PDXK: variants seen among roughly 807,000 people sequenced by gnomAD.
The protein encoded by PDXK is epididymis secretory sperm binding protein Li 1a.
Under a neutral mutation model 43.2 loss-of-function variants are expected in PDXK, and 15 were observed. The observed-to-expected ratio is 0.35, with a 90% CI of 0.23 to 0.53. The LOEUF (loss-of-function observed/expected upper bound fraction) is 0.53. PDXK is among the 20% of genes least tolerant of loss of function. PDXK has a pLI of 0.92. For missense variants in PDXK, 343 were observed against 417.0 expected (o/e 0.82, Z 1.54); for synonymous variants, 172 against 165.4 (o/e 1.04, Z -0.31).
chr21:43,742,888 G>A (rs1209615050), intron 3 of PDXK, among the ~76,000 whole-genome samples: 2 of 152,074 alleles, frequency 1.3e-5, no homozygotes, highest in Non-Finnish European at 2.9e-5. Context: ...AGATTAAAGT[G>A]TCATATGCTT....
intron 2 of PDXK, among the ~76,000 whole-genome samples, chr21:43,741,197 C>CGAG (rs2083503444): frequency 3.0e-3 from 1 of 334 alleles, no homozygotes; most frequent in Non-Finnish European, 6.4e-3. Context: ...CGGGGGGGCT[C>CGAG]GCGGGGGGGC....
intron 2 of PDXK, among the ~76,000 whole-genome samples, chr21:43,739,155 C>T (rs1185572321): frequency 3.3e-5 from 5 of 152,074 alleles, no homozygotes; most frequent in South Asian, 2.1e-4. Context: ...AGGTTGGTCT[C>T]GATCTCCTGA....
chr21:43,748,973 T>C, intron 5 of PDXK, 22 bp from the exon 6 acceptor site: 2 of 1,499,342 alleles, frequency 1.3e-6, no homozygotes, highest in Non-Finnish European at 1.9e-6. Flanking sequence ...CAGCCTCTCC[T>C]CCTGTCTCCT....
Position 43,741,475 on chromosome 21 carries a change from A to C in PDXK, c.143-192A>C, listed in dbSNP as rs541083718. 142 of 1,224,904 alleles carry C rather than the reference A, an allele frequency of 1.2e-4. 3 individuals are homozygous for C. Among genetic ancestry groups the C allele is most frequent in the Middle Eastern group, 3.0e-4 (1 of 3,280 alleles). 75.9% of individuals were successfully genotyped at this position (1,224,904 alleles called of 1,614,324 possible). A position where few individuals can be genotyped will look rare whatever the true frequency, so the allele number is the denominator to read the frequency against. The stretch of plus-strand genomic sequence containing the variant: ...TCGCGGGGGGCTCGCGGGGGGCTCG[A>C]GGCGTCCCATGTGGGCAGCCGTTGG... On this transcript the variant is annotated intron_variant, in intron 2 of 10. Transcript: ENST00000291565.
intron 1 of PDXK, among the ~76,000 whole-genome samples, chr21:43,726,307 C>G (rs1467286202): frequency 2.3e-5 from 3 of 128,898 alleles, no homozygotes; most frequent in African/African-American, 9.3e-5. Flanking sequence ...GAGTCTCACT[C>G]TGTCACCCAG....
chr21:43,746,007 G>A (rs373568499), intron 4 of PDXK, 72 bp from the exon 5 acceptor site: 1 of 1,217,538 alleles, frequency 8.2e-7, no homozygotes, highest in Admixed American at 1.7e-5. Flanking sequence ...AAAAAAAGAA[G>A]AAAGAAATGT....
intron 8 of PDXK, among the ~76,000 whole-genome samples, chr21:43,753,252 A>G (rs2083786039): frequency 6.6e-6 from 1 of 152,078 alleles, no homozygotes; most frequent in South Asian, 2.1e-4. Flanking sequence ...ACACATGCAT[A>G]CACGTGGGCA....
At chr21:43,728,375 A>G (rs1369550124) in intron 1 of PDXK, among the ~76,000 whole-genome samples, 1 of 152,132 alleles carries the variant, frequency 6.6e-6, no homozygotes, top group African/African-American at 2.4e-5. Flanking sequence ...GTCTCTGCAA[A>G]ATAAGCTAAA....
chr21:43,748,870 GGCCCC>G, intron 5 of PDXK, 120 bp from the exon 6 acceptor site: 3 of 663,832 alleles, frequency 4.5e-6, no homozygotes, highest in Non-Finnish European at 5.4e-6. Context: ...CGGGGGGCCT[GGCCCC>G]TGAGCCTGGA....
At position 43,723,193 on chromosome 21, in the gene PDXK, C is replaced by T. The variant is rs542547870; in HGVS notation, c.87+3812C>T. Among the ~76,000 whole-genome samples the T allele has an allele frequency of 1.4e-5, 2 of 147,032 alleles. No homozygotes were observed. The highest frequency in any genetic ancestry group is 2.0e-4 in the East Asian group (1 of 4,956). On this transcript the variant is annotated intron_variant, in intron 1 of 10. Transcript: ENST00000291565. This position sits in a 1 kb window ranked among gnomAD's most constrained non-coding sequence, Gnocchi z 4.1. ...TTTTGAGACGAGGGTCTCACTCTGT[C>T]GCTCAGGCTGAAGTACAATGGAGCG... is the stretch of plus-strand genomic sequence containing the variant.
At chr21:43,721,697 G>T (rs2083207340) in intron 1 of PDXK, 1 of 152,260 alleles carries the variant, frequency 6.6e-6, no homozygotes, top group Non-Finnish European at 1.5e-5. Flanking sequence ...TTCATGCCAG[G>T]CTCAGGGTAC....
rs1441554695 is a variant in PDXK at position 43,723,138 on chromosome 21, C to A, written c.87+3757C>A. ...CAGGCATGGGGCCACCACGCCTGGC[C>A]TTCTTTTTCTTTTTCTTTCTTTTTT... On this transcript the variant is annotated intron_variant, in intron 1 of 10. Transcript: ENST00000291565. This position sits in a 1 kb window ranked among gnomAD's most constrained non-coding sequence, Gnocchi z 4.1. Among the ~76,000 whole-genome samples, 1 of 151,254 alleles carries A rather than the reference C, an allele frequency of 6.6e-6. No individual in the cohort carries two copies. The highest frequency in any genetic ancestry group is 1.5e-5 in the Non-Finnish European group (1 of 67,920).
Position 43,743,740 on chromosome 21 carries a change from G to C in PDXK, c.264G>C (p.Lys88Asn), listed in dbSNP as rs935786090. 46 of 1,613,428 alleles carry C rather than the reference G, an allele frequency of 2.9e-5. No homozygotes were observed. The highest frequency in any genetic ancestry group is 3.8e-5 in the Non-Finnish European group (45 of 1,179,550). ...CCCCTAAAGGTTATACGAGGGACAA[G>C]TCGTTCCTGGCCATGGTGGTGGACA... ...DYVLTGYTRDKSFLAMVVDIV... is the reference protein window; with the variant it reads ...DYVLTGYTRDNSFLAMVVDIV... Residue 88 changes from lysine (K) to asparagine (N), a missense_variant, in exon 4 of 11, where the codon AAG (lysine) becomes AAC (asparagine). By Grantham distance (94) the Lys-to-Asn change is moderately conservative (BLOSUM62 0). Transcript: ENST00000291565.
intron 6 of PDXK, 47 bp downstream of exon 6, chr21:43,749,127 T>C (rs957142661): frequency 8.5e-7 from 1 of 1,172,574 alleles, no homozygotes; most frequent in African/African-American, 1.5e-5. Flanking sequence ...TTTTTCAAGA[T>C]GGGTCTCGCT....
At chr21:43,746,861 A>C (rs1198513234) in intron 5 of PDXK, among the ~76,000 whole-genome samples, 7 of 152,204 alleles carry the variant, frequency 4.6e-5, no homozygotes, top group Non-Finnish European at 1.5e-5. Context: ...GACTGGGTGC[A>C]GTGGCTCACG....
At position 43,750,483 on chromosome 21, in the gene PDXK, C is replaced by T. The variant is rs1417414756; in HGVS notation, c.465-17C>T. The T allele has an allele frequency of 6.2e-7, 1 of 1,609,348 alleles. No individual in the cohort carries two copies. The highest frequency in any genetic ancestry group is 8.5e-7 in the Non-Finnish European group (1 of 1,177,358). On this transcript the variant is annotated splice_polypyrimidine_tract_variant and intron_variant, in intron 6 of 10. Transcript: ENST00000291565. Reference sequence around the variant, plus strand: ...GGCTCACCTGTCCCCACCCGCCTGTCCCCGCCTGTCTTCCAGGTTACTGAG... The same window carrying T: ...GGCTCACCTGTCCCCACCCGCCTGTTCCCGCCTGTCTTCCAGGTTACTGAG...
rs373555413 is a variant in PDXK at position 43,760,108 on chromosome 21, T to G, written c.*4045T>G. 1 of 153,664 alleles carries G rather than the reference T, an allele frequency of 6.5e-6. No homozygotes were observed. Among genetic ancestry groups the G allele is most frequent in the Non-Finnish European group, 1.5e-5 (1 of 68,046 alleles). 9.5% of individuals were successfully genotyped at this position (153,664 alleles called of 1,614,324 possible). A position where few individuals can be genotyped will look rare whatever the true frequency, so the allele number is the denominator to read the frequency against. On this transcript the variant is annotated 3_prime_UTR_variant, in exon 11 of 11. Transcript: ENST00000291565. ...CAGAGCTGGGCCTGTCGTGTGTTCCTGCCTGGCAGGTGCAGGTGCTGGCCA... is the reference window on the plus strand; with the variant it reads ...CAGAGCTGGGCCTGTCGTGTGTTCCGGCCTGGCAGGTGCAGGTGCTGGCCA...
At chr21:43,733,805 TGGGCTGGGCGATGCCCTCCC>T in intron 1 of PDXK, 1 of 754,086 alleles carries the variant, frequency 1.3e-6, no homozygotes, top group Non-Finnish European at 2.1e-6. Flanking sequence ...GGAGGTCCTG[TGGGCTGGGCGATGCCCTCCC>T]GGGCTGGTTG....
rs149053343 is a variant in PDXK, at chr21:43,729,554, C to G, written c.88-4515C>G. Among the ~76,000 whole-genome samples the G allele has an allele frequency of 7.1e-4, 108 of 152,270 alleles. 1 individual carries two copies. Among genetic ancestry groups the G allele is most frequent in the African/African-American group, 2.5e-3 (103 of 41,548 alleles). On this transcript the variant is annotated intron_variant, in intron 1 of 10. Coordinates refer to ENST00000291565, the MANE Select transcript of PDXK (RefSeq NM_003681.5). ...ACGCTCCGGGAGTCTGAGCTGCATC[C>G]TGTGGGCGCAGCAGACGCTCAAGGG...
Sources: gnomAD v4.1 joint callset for allele counts (sites outside exome capture counted in the v4.1 genomes callset) on GRCh38, gnomAD v4.1.1 for gene constraint, Gnocchi (gnomAD v3.1) non-coding constraint, MANE v1.5 for transcripts, NCBI Gene and HGNC (gene_info 2026-07-23, HGNC 2026-07-21) for gene names.